MYO3B: variants seen among roughly 807,000 people sequenced by gnomAD.
MYO3B encodes myosin-IIIb.
Under a neutral mutation model 174.6 loss-of-function variants are expected in MYO3B, and 156 were observed. The observed-to-expected ratio is 0.89, with a 90% CI of 0.78 to 1.02. The LOEUF (loss-of-function observed/expected upper bound fraction) is 1.02. Among genes scored for constraint, MYO3B ranks in the 50% least tolerant of loss-of-function variants. MYO3B has a pLI of 0.00. For synonymous variants in MYO3B, 563 were observed against 569.1 expected (o/e 0.99, Z 0.15); for missense variants, 1,632 against 1,639.4 (o/e 1.00, Z 0.08).
rs73975676 is a variant in MYO3B, at chr2:170,508,024, A to C, written c.3370+6159A>C. On this transcript the variant is annotated intron_variant, in intron 28 of 34. Transcript: ENST00000408978. ...AATACTGTTTACCTAATGCACAGAGAGGAAGCTGCAAAGTCATTGTGGGCT... is the reference window on the plus strand; with the variant it reads ...AATACTGTTTACCTAATGCACAGAGCGGAAGCTGCAAAGTCATTGTGGGCT... Among the ~76,000 whole-genome samples, 1,325 of 152,316 alleles carry C rather than the reference A, an allele frequency of 8.7e-3. 31 individuals carry two copies. Among genetic ancestry groups the C allele is most frequent in the African/African-American group, 0.03 (1,250 of 41,562 alleles).
At chr2:170,424,073 A>T (rs1200680273) in intron 22 of MYO3B, among the ~76,000 whole-genome samples, 1 of 152,250 alleles carries the variant, frequency 6.6e-6, no homozygotes, top group Non-Finnish European at 1.5e-5. Context: ...ATGAATATCC[A>T]ATAGGTATCT....
chr2:170,365,859 C>T (rs2105666895), intron 8 of MYO3B, among the ~76,000 whole-genome samples: 1 of 152,200 alleles, frequency 6.6e-6, no homozygotes, highest in South Asian at 2.1e-4. Context: ...ATGGCAGTTG[C>T]ACCTGAATAT....
intron 7 of MYO3B, among the ~76,000 whole-genome samples, chr2:170,264,641 G>A (rs2093369441): frequency 6.6e-6 from 1 of 152,152 alleles, no homozygotes; most frequent in Non-Finnish European, 1.5e-5. Flanking sequence ...CAGTGTTATT[G>A]GGTGCTATGA....
intron 32 of MYO3B, among the ~76,000 whole-genome samples, chr2:170,614,274 A>C (rs1000954435): frequency 1.3e-5 from 2 of 152,150 alleles, no homozygotes; most frequent in African/African-American, 2.4e-5. Flanking sequence ...CTAGAGTATT[A>C]AGTGAGATAA....
At chr2:170,391,485 G>T in intron 14 of MYO3B, 35 bp from the exon 15 acceptor site, 1 of 1,075,300 alleles carries the variant, frequency 9.3e-7, no homozygotes. Flanking sequence ...GGGGAAGCCA[G>T]AATATATTAT....
intron 32 of MYO3B, among the ~76,000 whole-genome samples, chr2:170,617,109 C>CA (rs1695512716): frequency 6.6e-6 from 1 of 152,148 alleles, no homozygotes; most frequent in Admixed American, 6.6e-5. Flanking sequence ...CATTTATCCA[C>CA]AAAATGAACA....
chr2:170,314,971 T>C lies in MYO3B; in HGVS notation c.750-20414T>C, dbSNP rs2105478572. Among the ~76,000 whole-genome samples the C allele has an allele frequency of 3.3e-5, 5 of 152,358 alleles. No individual in the cohort carries two copies. In the South Asian group the frequency reaches 1.0e-3, roughly 32 times the overall value. ...GTATTTCATTTGGCAACAGTCATTC[T>C]TGGCAGGAGCTCATTAAGTGTATGG... On this transcript the variant is annotated intron_variant, in intron 7 of 34. Transcript: ENST00000408978.
At chr2:170,239,708 A>G (rs1407526510) in intron 7 of MYO3B, among the ~76,000 whole-genome samples, 4 of 152,216 alleles carry the variant, frequency 2.6e-5, no homozygotes, top group African/African-American at 9.7e-5. Flanking sequence ...CAAAAAAAGG[A>G]CAGCTCATGA....
intron 25 of MYO3B, among the ~76,000 whole-genome samples, chr2:170,486,382 A>C (rs1559047738): frequency 7.3e-6 from 1 of 137,454 alleles, no homozygotes; most frequent in Non-Finnish European, 1.5e-5. Flanking sequence ...TTGGCTCACC[A>C]CAACCTCCAC....
intron 8 of MYO3B, among the ~76,000 whole-genome samples, chr2:170,361,655 C>T (rs1485470813): frequency 6.6e-6 from 1 of 152,200 alleles, no homozygotes; most frequent in African/African-American, 2.4e-5. Flanking sequence ...CTTGGAGATA[C>T]CTCTCTTTAC....
At chr2:170,460,363 C>T (rs1684204113) in intron 23 of MYO3B, among the ~76,000 whole-genome samples, 1 of 151,884 alleles carries the variant, frequency 6.6e-6, no homozygotes, top group African/African-American at 2.4e-5. Flanking sequence ...TGGTGTGCAG[C>T]TGTAATCCCA....
intron 25 of MYO3B, among the ~76,000 whole-genome samples, chr2:170,488,242 C>T (rs183952081): frequency 6.6e-6 from 1 of 152,094 alleles, no homozygotes; most frequent in Admixed American, 6.5e-5. Flanking sequence ...ATATTTTCCA[C>T]TTCAAAGATT....
chr2:170,270,168 A>G (rs1037354756), intron 7 of MYO3B, among the ~76,000 whole-genome samples: 1 of 152,164 alleles, frequency 6.6e-6, no homozygotes, highest in Non-Finnish European at 1.5e-5. Context: ...GAGTTATTTT[A>G]CTTTTTCTAT....
At chr2:170,259,531 A>G (rs2093329530) in intron 7 of MYO3B, among the ~76,000 whole-genome samples, 1 of 152,174 alleles carries the variant, frequency 6.6e-6, no homozygotes, top group Non-Finnish European at 1.5e-5. Flanking sequence ...CTAGACTCCT[A>G]CCTATTACCA....
At chr2:170,587,322 T>C (rs1693549811) in intron 32 of MYO3B, among the ~76,000 whole-genome samples, 1 of 152,214 alleles carries the variant, frequency 6.6e-6, no homozygotes, top group African/African-American at 2.4e-5. Context: ...GATTGCATCA[T>C]TTTCTCTTGT....
intron 23 of MYO3B, among the ~76,000 whole-genome samples, chr2:170,450,499 T>A (rs1415725273): frequency 6.6e-6 from 1 of 152,020 alleles, no homozygotes; most frequent in African/African-American, 2.4e-5. Context: ...AGACTCAGCT[T>A]TCTAGACAAC....
intron 22 of MYO3B, among the ~76,000 whole-genome samples, chr2:170,415,035 G>T (rs182751836): frequency 1.1e-4 from 17 of 152,170 alleles, no homozygotes; most frequent in African/African-American, 3.4e-4. Context: ...GAACTCTTTT[G>T]TTTCTTCCTT....
intron 7 of MYO3B, among the ~76,000 whole-genome samples, chr2:170,253,470 A>T (rs2093274774): frequency 6.6e-6 from 1 of 152,204 alleles, no homozygotes; most frequent in African/African-American, 2.4e-5. Flanking sequence ...CAAATTTATC[A>T]TCTGAGTGGT....
At chr2:170,592,924 A>G (rs947159194) in intron 32 of MYO3B, among the ~76,000 whole-genome samples, 1 of 151,920 alleles carries the variant, frequency 6.6e-6, no homozygotes, top group Non-Finnish European at 1.5e-5. Flanking sequence ...ATATATATAG[A>G]TATCTAGATA....
Sources: allele counts gnomAD v4.1 joint callset (sites outside exome capture counted in the v4.1 genomes callset), GRCh38; gene constraint gnomAD v4.1.1; transcripts MANE v1.5; gene names NCBI Gene and HGNC (gene_info 2026-07-23, HGNC 2026-07-21).